Variants in DRC9 observed in about 807,000 individuals in gnomAD.
The protein encoded by DRC9 is dynein regulatory complex subunit 9.
chr3:197,954,761 G>A, the DRC9 span, among the ~76,000 whole-genome samples: 1 of 152,124 alleles, frequency 6.6e-6, no homozygotes, highest in Non-Finnish European at 1.5e-5. Flanking sequence ...GCCCACCTTG[G>A]CCTCCCAGAG....
chr3:197,950,755 C>T, the DRC9 span: 3 of 618,630 alleles, frequency 4.8e-6, no homozygotes, highest in Non-Finnish European at 8.5e-6. Context: ...CAGCTGTTCT[C>T]TGAGGTTTGA....
chr3:197,892,501 T>C, the DRC9 span: 1 of 1,203,272 alleles, frequency 8.3e-7, no homozygotes, highest in Non-Finnish European at 1.2e-6. Context: ...CACTCCTTCC[T>C]CGGTGAGCAC....
the DRC9 span, chr3:197,960,154 T>C: frequency 7.3e-7 from 1 of 1,374,836 alleles, no homozygotes; most frequent in Non-Finnish European, 9.9e-7. Context: ...TTCCGCCGGC[T>C]GGGCCCTCCG....
At chr3:197,892,547 T>C in the DRC9 span, 1 of 1,533,328 alleles carries the variant, frequency 6.5e-7, no homozygotes, top group East Asian at 2.3e-5. Context: ...GTGAGTGCCC[T>C]AATTCCTTCC....
At chr3:197,952,383 T>A in the DRC9 span, among the ~76,000 whole-genome samples, 2 of 152,066 alleles carry the variant, frequency 1.3e-5, no homozygotes, top group Non-Finnish European at 2.9e-5. Flanking sequence ...TTGGCCAGGC[T>A]GGTCTTAAAC....
the DRC9 span, chr3:197,944,129 C>A: frequency 7.9e-7 from 1 of 1,258,830 alleles, no homozygotes; most frequent in South Asian, 1.4e-5. Flanking sequence ...CAGGCAGCAA[C>A]GTGCTGGGCT....
chr3:197,918,258 C>CTT, the DRC9 span, among the ~76,000 whole-genome samples: 2,379 of 60,140 alleles, frequency 0.04, 131 homozygotes, highest in African/African-American at 0.089. Context: ...TAATTTTTTG[C>CTT]TTTTTTTTTT....
the DRC9 span, among the ~76,000 whole-genome samples, chr3:197,905,130 A>G: frequency 1.3e-5 from 2 of 152,320 alleles, no homozygotes; most frequent in East Asian, 3.9e-4. Context: ...TAATGTGTAC[A>G]AAAAAGTAGA....
At chr3:197,898,820 A>T in the DRC9 span, among the ~76,000 whole-genome samples, 1 of 152,232 alleles carries the variant, frequency 6.6e-6, no homozygotes, top group Non-Finnish European at 1.5e-5. Flanking sequence ...TTACAATTCA[A>T]GGTGAGATTT....
the DRC9 span, among the ~76,000 whole-genome samples, chr3:197,909,742 C>A: frequency 6.6e-6 from 1 of 152,214 alleles, no homozygotes; most frequent in African/African-American, 2.4e-5. Context: ...CCTGTAATCC[C>A]AGCACTTTGG....
the DRC9 span, among the ~76,000 whole-genome samples, chr3:197,891,209 C>A: frequency 1.3e-5 from 2 of 152,242 alleles, no homozygotes; most frequent in Non-Finnish European, 2.9e-5. Context: ...GTTTTGCTTC[C>A]GCTGCTAACC....
chr3:197,932,383 C>A, the DRC9 span: 1 of 1,181,948 alleles, frequency 8.5e-7, no homozygotes, highest in Non-Finnish European at 1.2e-6. Flanking sequence ...CCCTGTAATC[C>A]CAGCACTTTG....
chr3:197,948,637 A>T, the DRC9 span, among the ~76,000 whole-genome samples: 1 of 152,236 alleles, frequency 6.6e-6, no homozygotes, highest in Non-Finnish European at 1.5e-5. Flanking sequence ...AATTTCTAGC[A>T]CATTTCTTTC....
the DRC9 span, among the ~76,000 whole-genome samples, chr3:197,949,166 C>G: frequency 2.0e-5 from 3 of 152,152 alleles, no homozygotes; most frequent in African/African-American, 7.2e-5. Flanking sequence ...TGCTCCGCCT[C>G]GTAGGATATA....
the DRC9 span, chr3:197,953,384 A>AAT: frequency 1.3e-5 from 6 of 455,210 alleles, no homozygotes; most frequent in South Asian, 7.8e-5. Context: ...CTTTAAAGGA[A>AAT]ATATATATAA....
chr3:197,938,504 T>C, the DRC9 span: 1 of 1,460,754 alleles, frequency 6.8e-7, no homozygotes, highest in Non-Finnish European at 9.6e-7. Context: ...CGCTCATCTA[T>C]GTGTAAATAC....
the DRC9 span, among the ~76,000 whole-genome samples, chr3:197,911,941 T>A: frequency 2.0e-5 from 3 of 149,172 alleles, no homozygotes; most frequent in East Asian, 6.1e-4. Context: ...TGTCCGGCCT[T>A]TATTTATTTT....
the DRC9 span, among the ~76,000 whole-genome samples, chr3:197,904,110 ATT>A: frequency 0.024 from 1,966 of 80,728 alleles, 27 homozygotes; most frequent in African/African-American, 0.056. Flanking sequence ...ATATATATAT[ATT>A]TTTTTTTTTA....
the DRC9 span, among the ~76,000 whole-genome samples, chr3:197,928,788 CAA>C: frequency 1.3e-5 from 2 of 152,030 alleles, no homozygotes; most frequent in African/African-American, 4.8e-5. Flanking sequence ...ATAAAGCAGA[CAA>C]GAGAAAAATG....
Sources: allele counts gnomAD v4.1 joint callset (sites outside exome capture counted in the v4.1 genomes callset), GRCh38; gene constraint gnomAD v4.1.1; transcripts MANE v1.5; gene names NCBI Gene and HGNC (gene_info 2026-07-23, HGNC 2026-07-21).